The following ZSWIM6 variants were observed in gnomAD, a reference collection of about 807,000 sequenced individuals.
ZSWIM6 encodes zinc finger SWIM-type containing 6, also known as zinc finger SWIM domain-containing protein 6.
A neutral mutation model predicts 113.2 loss-of-function variants in ZSWIM6; 9 were observed. The ratio of observed to expected loss-of-function variants is 0.08; its 90% CI spans 0.05 to 0.14. The LOEUF (loss-of-function observed/expected upper bound fraction) is 0.14. Ranked by LOEUF, ZSWIM6 falls within the 10% of genes least tolerant of loss-of-function variation. The pLI is 1.00. For synonymous variants in ZSWIM6, 611 were observed against 606.5 expected (o/e 1.01, Z -0.11); for missense variants, 1,162 against 1,552.2 (o/e 0.75, Z 4.22).
chr5:61,391,220 C>G, intron 1 of ZSWIM6: 1 of 894,028 alleles, frequency 1.1e-6, no homozygotes, highest in East Asian at 2.4e-5. Context: ...CTGATGACGT[C>G]GATCATCTTG....
At chr5:61,341,156 A>G (rs1422680644) in intron 1 of ZSWIM6, among the ~76,000 whole-genome samples, 1 of 152,142 alleles carries the variant, frequency 6.6e-6, no homozygotes, top group Non-Finnish European at 1.5e-5. Flanking sequence ...CTACATCCCA[A>G]AGATGTGCAC....
At chr5:61,495,006 T>A (rs941847686) in intron 4 of ZSWIM6, among the ~76,000 whole-genome samples, 7 of 152,216 alleles carry the variant, frequency 4.6e-5, no homozygotes, top group Non-Finnish European at 5.9e-5. Flanking sequence ...GAATTTTATT[T>A]GGATGAGTCT....
chr5:61,530,327 G>A, intron 8 of ZSWIM6, 129 bp downstream of exon 8: 3 of 932,002 alleles, frequency 3.2e-6, no homozygotes, highest in Middle Eastern at 3.5e-4. Context: ...TAGCAAGAGA[G>A]CAAGAAAATG....
At chr5:61,405,800 G>A (rs1746033294) in intron 1 of ZSWIM6, among the ~76,000 whole-genome samples, 1 of 152,172 alleles carries the variant, frequency 6.6e-6, no homozygotes, top group Non-Finnish European at 1.5e-5. Context: ...GGGGCTCAGA[G>A]TTTAAAAGAG....
chr5:61,332,973 C>T, intron 1 of ZSWIM6, 25 bp downstream of exon 1: 1 of 1,195,602 alleles, frequency 8.4e-7, no homozygotes, highest in Non-Finnish European at 1.1e-6. Flanking sequence ...AGCCGCGAGC[C>T]GTCTGTCCGT....
At chr5:61,528,906 C>A (rs962467450) in intron 7 of ZSWIM6, among the ~76,000 whole-genome samples, 7 of 152,228 alleles carry the variant, frequency 4.6e-5, no homozygotes, top group African/African-American at 1.7e-4. Flanking sequence ...TTTTTATGTA[C>A]TGATAGTTGA....
At chr5:61,444,926 CT>C (rs975330959) in intron 1 of ZSWIM6, among the ~76,000 whole-genome samples, 2 of 152,096 alleles carry the variant, frequency 1.3e-5, no homozygotes, top group Admixed American at 1.3e-4. Context: ...GAGTGGGTAC[CT>C]TTTTCGGACC....
intron 4 of ZSWIM6, among the ~76,000 whole-genome samples, chr5:61,503,279 C>T (rs1259883222): frequency 6.6e-6 from 1 of 152,108 alleles, no homozygotes; most frequent in African/African-American, 2.4e-5. Flanking sequence ...ACAGAATACC[C>T]AGGGTAATGA....
At chr5:61,479,987 CT>C (rs1473002606) in intron 2 of ZSWIM6, among the ~76,000 whole-genome samples, 1 of 151,824 alleles carries the variant, frequency 6.6e-6, no homozygotes, top group Non-Finnish European at 1.5e-5. Context: ...TAGTTGATCT[CT>C]TTTAATAAAT....
chr5:61,364,806 C>T (rs1462865513), intron 1 of ZSWIM6, among the ~76,000 whole-genome samples: 1 of 152,108 alleles, frequency 6.6e-6, no homozygotes, highest in Admixed American at 6.5e-5. Context: ...GAGGGTTCTG[C>T]CCTCATGACC....
At chr5:61,466,702 C>T (rs1747444217) in intron 1 of ZSWIM6, among the ~76,000 whole-genome samples, 1 of 152,114 alleles carries the variant, frequency 6.6e-6, no homozygotes, top group African/African-American at 2.4e-5. Flanking sequence ...CAGTTTATAA[C>T]AGTCTTTCAG....
At chr5:61,531,109 AGTG>A (rs1172726211) in intron 8 of ZSWIM6, among the ~76,000 whole-genome samples, 2 of 152,220 alleles carry the variant, frequency 1.3e-5, no homozygotes, top group African/African-American at 4.8e-5. Context: ...GGATTTAAAA[AGTG>A]GTGAGTGCAA....
chr5:61,534,589 A>G (rs1749525315), intron 9 of ZSWIM6, among the ~76,000 whole-genome samples: 1 of 152,170 alleles, frequency 6.6e-6, no homozygotes, highest in Admixed American at 6.5e-5. Flanking sequence ...CATGGAAACT[A>G]ATTTATTAAA....
intron 2 of ZSWIM6, among the ~76,000 whole-genome samples, chr5:61,477,164 T>C (rs940433096): frequency 2.0e-5 from 3 of 152,152 alleles, no homozygotes; most frequent in Admixed American, 1.3e-4. Context: ...GGCTAGCCTG[T>C]ACTGGGTAGA....
chr5:61,378,520 AAACT>A lies in ZSWIM6; in HGVS notation c.676+45573_676+45576del, dbSNP rs567972124. 1.4e-4 allele frequency among the ~76,000 whole-genome samples: 22 copies of A among 152,290 alleles called. No homozygotes were observed. In the East Asian group the frequency reaches 4.2e-3, roughly 29 times the overall value. On this transcript the variant is annotated intron_variant, in intron 1 of 13. Transcript: ENST00000252744. The stretch of plus-strand genomic sequence containing the variant: ...TGGTAGCCTTAATTTACCTTGAGAC[AAACT>A]GAGGGACAAGGACACCCTTTAATAC...
chr5:61,463,481 G>A (rs751407086), intron 1 of ZSWIM6, among the ~76,000 whole-genome samples: 24 of 152,174 alleles, frequency 1.6e-4, no homozygotes, highest in Non-Finnish European at 3.2e-4. Context: ...AGCATCACCT[G>A]GGTTAAACCA....
At chr5:61,497,521 A>T (rs1193728575) in intron 4 of ZSWIM6, among the ~76,000 whole-genome samples, 1 of 152,138 alleles carries the variant, frequency 6.6e-6, no homozygotes, top group Non-Finnish European at 1.5e-5. Flanking sequence ...GTATGAGTTA[A>T]CTTTTGTGAT....
chr5:61,473,126 G>T (rs1747613743), intron 2 of ZSWIM6, 89 bp downstream of exon 2: 18 of 834,022 alleles, frequency 2.2e-5, no homozygotes, highest in Non-Finnish European at 3.0e-5. Context: ...TGAATTAAAT[G>T]TGAAATAGAT....
chr5:61,351,582 T>G (rs1744784064), intron 1 of ZSWIM6, among the ~76,000 whole-genome samples: 1 of 152,242 alleles, frequency 6.6e-6, no homozygotes, highest in African/African-American at 2.4e-5. Flanking sequence ...TTTTAAGGGC[T>G]TATTATGAAC....
Sources: gnomAD v4.1 joint callset for allele counts (sites outside exome capture counted in the v4.1 genomes callset) on GRCh38, gnomAD v4.1.1 for gene constraint, MANE v1.5 for transcripts, NCBI Gene and HGNC (gene_info 2026-07-23, HGNC 2026-07-21) for gene names.